The following MCTP1 variants were observed in gnomAD, a reference collection of about 807,000 sequenced individuals.
The protein encoded by MCTP1 is multiple C2 and transmembrane domain containing 1.
Under a neutral mutation model 120.6 loss-of-function variants are expected in MCTP1, and 69 were observed. That is an observed-to-expected ratio of 0.57 (90% CI 0.47 to 0.70). The LOEUF is 0.70. MCTP1 is among the 30% of genes least tolerant of loss of function. The pLI, the probability that MCTP1 is intolerant of heterozygous loss-of-function variation, is 0.00. For missense variants in MCTP1, 1,203 were observed against 1,248.8 expected (o/e 0.96, Z 0.55); for synonymous variants, 529 against 493.1 (o/e 1.07, Z -0.96).
intron 12 of MCTP1, among the ~76,000 whole-genome samples, chr5:94,875,956 T>G (rs1422891080): frequency 6.6e-6 from 1 of 152,168 alleles, no homozygotes; most frequent in East Asian, 1.9e-4. Flanking sequence ...CACTATGTTA[T>G]GTTTGACTTA....
Position 94,715,661 on chromosome 5 carries a change from A to G in MCTP1, c.2611-775T>C, listed in dbSNP as rs1758956703. Among the ~76,000 whole-genome samples the G allele has an allele frequency of 2.0e-5, 3 of 152,130 alleles. No homozygotes were observed. In the South Asian group the frequency reaches 6.2e-4, roughly 32 times the overall value. On this transcript the variant is annotated intron_variant, in intron 19 of 22. Coordinates refer to ENST00000515393, the MANE Select transcript of MCTP1 (RefSeq NM_024717.7). ...AGAGAGTGGTGTGACCCTAGGAGAA[A>G]TGTGCATATTTTGCAATTTTAGACC...
At chr5:94,920,741 CAAAA>C (rs1231344417) in intron 7 of MCTP1, among the ~76,000 whole-genome samples, 5 of 112,452 alleles carry the variant, frequency 4.4e-5, no homozygotes, top group Non-Finnish European at 7.4e-5. Context: ...GATTCCGTCT[CAAAA>C]TAAATAAATA....
At chr5:94,849,349 C>A (rs1460475164) in intron 17 of MCTP1, among the ~76,000 whole-genome samples, 2 of 152,088 alleles carry the variant, frequency 1.3e-5, no homozygotes, top group Admixed American at 1.3e-4. Flanking sequence ...ATACTTTATT[C>A]TGGAAGTGAC....
At chr5:95,098,596 A>G (rs1023720087) in intron 1 of MCTP1, among the ~76,000 whole-genome samples, 10 of 152,018 alleles carry the variant, frequency 6.6e-5, no homozygotes, top group African/African-American at 2.4e-4. Flanking sequence ...GGAGAACTAC[A>G]AACCACTGCT....
intron 3 of MCTP1, among the ~76,000 whole-genome samples, chr5:94,947,786 ATTT>A: frequency 7.2e-6 from 1 of 138,990 alleles, no homozygotes; most frequent in African/African-American, 2.6e-5. Context: ...TGGCTTTAAA[ATTT>A]TTTTTTTTTT....
At chr5:94,875,348 C>T (rs981303682) in intron 12 of MCTP1, among the ~76,000 whole-genome samples, 1 of 151,930 alleles carries the variant, frequency 6.6e-6, no homozygotes, top group Admixed American at 6.6e-5. Flanking sequence ...ATCCAGGAAG[C>T]CGGTGTGGCT....
intron 17 of MCTP1, among the ~76,000 whole-genome samples, chr5:94,860,708 A>G (rs1420171927): frequency 6.6e-6 from 1 of 151,366 alleles, no homozygotes; most frequent in African/African-American, 2.4e-5. Context: ...AGTGGGGTCA[A>G]TGTGACATCC....
At chr5:94,916,432 C>T (rs551316441) in intron 8 of MCTP1, among the ~76,000 whole-genome samples, 3 of 152,172 alleles carry the variant, frequency 2.0e-5, no homozygotes, top group East Asian at 1.9e-4. Context: ...TGTGTATCTA[C>T]GGGTGGAGGG....
At position 95,064,572 on chromosome 5, in the gene MCTP1, GACA is replaced by G. The variant is rs142630438; in HGVS notation, c.721-47091_721-47089del. ...TAGTTACAAGTTATTTGGCTCTAAGGACAACAATAATCTAATAGTATTTTGGAT... is the reference window on the plus strand; with the variant it reads ...TAGTTACAAGTTATTTGGCTCTAAGGACAATAATCTAATAGTATTTTGGAT... On this transcript the variant is annotated intron_variant, in intron 1 of 22. Transcript: ENST00000515393. Among the ~76,000 whole-genome samples, 813 of 152,240 alleles carry G rather than the reference GACA, an allele frequency of 5.3e-3. 6 individuals carry two copies. Among genetic ancestry groups the G allele is most frequent in the African/African-American group, 0.018 (750 of 41,546 alleles).
chr5:95,062,802 GT>G (rs5869669), intron 1 of MCTP1, among the ~76,000 whole-genome samples: 140,246 of 151,794 alleles, frequency 0.92, 65,852 homozygotes, highest in East Asian at 1. Flanking sequence ...CTGTTTTATT[GT>G]TTTTTTGTTT....
chr5:94,834,561 G>C (rs1212022938), intron 17 of MCTP1, among the ~76,000 whole-genome samples: 2 of 152,132 alleles, frequency 1.3e-5, no homozygotes, highest in Admixed American at 6.5e-5. Flanking sequence ...AAATTTCAAA[G>C]CTGCAATGAA....
At chr5:94,878,379 C>T (rs1799352129) in intron 12 of MCTP1, among the ~76,000 whole-genome samples, 1 of 152,066 alleles carries the variant, frequency 6.6e-6, no homozygotes, top group African/African-American at 2.4e-5. Context: ...TAGGTCCCCA[C>T]TGGGTCTGAT....
intron 2 of MCTP1, among the ~76,000 whole-genome samples, chr5:94,963,354 AT>A (rs754461255): frequency 0.064 from 8,797 of 136,706 alleles, 320 homozygotes; most frequent in African/African-American, 0.11. Flanking sequence ...TTGTAATTCT[AT>A]TTTTTTTTTT....
chr5:95,267,321 T>A (rs1225689348), intron 1 of MCTP1, among the ~76,000 whole-genome samples: 1 of 152,240 alleles, frequency 6.6e-6, no homozygotes. Context: ...TTTTATAATT[T>A]ACAGTTGTAA....
intron 1 of MCTP1, among the ~76,000 whole-genome samples, chr5:95,062,959 T>C (rs1749652112): frequency 6.6e-6 from 1 of 151,902 alleles, no homozygotes; most frequent in African/African-American, 2.4e-5. Context: ...GCTGAGACTA[T>C]AAGCATGTGC....
intron 17 of MCTP1, among the ~76,000 whole-genome samples, chr5:94,856,178 CAAGT>C (rs1794700819): frequency 1.3e-5 from 2 of 151,754 alleles, no homozygotes; most frequent in South Asian, 4.2e-4. Flanking sequence ...GTGCATTAAA[CAAGT>C]AATAATTAAG....
chr5:94,867,116 G>T (rs1232304352), intron 17 of MCTP1: 2 of 856,122 alleles, frequency 2.3e-6, no homozygotes, highest in Non-Finnish European at 3.2e-6. Context: ...GTACCTCCTG[G>T]CTAGGGAAAA....
At chr5:94,908,303 C>T (rs890794357) in intron 10 of MCTP1, among the ~76,000 whole-genome samples, 2 of 151,846 alleles carry the variant, frequency 1.3e-5, no homozygotes, top group African/African-American at 4.8e-5. Context: ...TAAAGGCTAC[C>T]TGAAGCTCAT....
intron 19 of MCTP1, among the ~76,000 whole-genome samples, chr5:94,730,451 G>A (rs575967989): frequency 2.6e-5 from 4 of 152,310 alleles, no homozygotes; most frequent in East Asian, 1.9e-4. Context: ...ACACCTGGCC[G>A]AGGCTGATTT....
Sources: gnomAD v4.1 joint callset for allele counts (sites outside exome capture counted in the v4.1 genomes callset) on GRCh38, gnomAD v4.1.1 for gene constraint, MANE v1.5 for transcripts, NCBI Gene and HGNC (gene_info 2026-07-23, HGNC 2026-07-21) for gene names.